CFAP46: variants seen among roughly 807,000 people sequenced by gnomAD.
The protein encoded by CFAP46 is cilia- and flagella-associated protein 46.
Under a neutral mutation model 325.7 loss-of-function variants are expected in CFAP46, and 245 were observed. The observed-to-expected ratio is 0.75, with a 90% CI of 0.68 to 0.84. The LOEUF is 0.84. CFAP46 is among the 40% of genes least tolerant of loss of function. CFAP46 has a pLI of 0.00. For missense variants in CFAP46, 3,346 were observed against 3,543.0 expected (o/e 0.94, Z 1.41); for synonymous variants, 1,523 against 1,495.9 (o/e 1.02, Z -0.42).
chr10:132,859,319 C>T (rs987171975), intron 37 of CFAP46, 72 bp from the exon 38 acceptor site: 9 of 1,349,290 alleles, frequency 6.7e-6, no homozygotes, highest in South Asian at 1.4e-5. Flanking sequence ...GCTGGGCTGC[C>T]GCTGTTCTCC....
At chr10:132,860,714 G>T in intron 36 of CFAP46, 68 bp downstream of exon 36, 1 of 1,494,054 alleles carries the variant, frequency 6.7e-7, no homozygotes, top group Non-Finnish European at 9.1e-7. Context: ...CCCCATGGAC[G>T]CCCTTCCTCT....
chr10:132,822,206 G>A (rs1394069165), intron 50 of CFAP46, among the ~76,000 whole-genome samples: 5 of 144,874 alleles, frequency 3.5e-5, no homozygotes, highest in Non-Finnish European at 7.5e-5. Context: ...TGTGCTGTGT[G>A]TGTGCTGATG....
In CFAP46 at chr10:132,866,110, C is replaced by T; in HGVS notation, c.4805G>A (p.Trp1602Ter). The change falls in exon 35 of 58, where the codon TGG (tryptophan) becomes TAG (stop). Residue 1602 changes from tryptophan (W) to a stop codon, truncating the protein, a stop_gained. Transcript: ENST00000368586. LOFTEE classifies it high-confidence loss of function. ...DLDGTSFPHLWMLKAEVLLEM... is the reference protein window; with the variant it reads ...DLDGTSFPHL ...CAGCAGAACTTCTGCCTTCAGCATC[C>T]ACAGGTGGGGAAAGGACGTCCCATC... The T allele has an allele frequency of 1.3e-6, 2 of 1,546,292 alleles. No homozygotes were observed. The highest frequency in any genetic ancestry group is 1.4e-5 in the African/African-American group (1 of 73,038).
intron 11 of CFAP46, among the ~76,000 whole-genome samples, chr10:132,924,320 C>T (rs960527249): frequency 4.6e-5 from 7 of 152,154 alleles, no homozygotes; most frequent in African/African-American, 1.7e-4. Context: ...GAGGACACAC[C>T]GTGCTCCTCC....
At chr10:132,818,108 C>T (rs1288990563) in intron 50 of CFAP46, among the ~76,000 whole-genome samples, 1 of 152,202 alleles carries the variant, frequency 6.6e-6, no homozygotes, top group African/African-American at 2.4e-5. Context: ...CACCCCTGGG[C>T]GGCCCGTGTC....
At chr10:132,903,480 C>T (rs995913724) in intron 22 of CFAP46, among the ~76,000 whole-genome samples, 5 of 152,342 alleles carry the variant, frequency 3.3e-5, no homozygotes, top group Non-Finnish European at 5.9e-5. Flanking sequence ...CGTTTCTCCC[C>T]GCGACTCTTC....
At chr10:132,818,373 C>T (rs541846808) in intron 50 of CFAP46, among the ~76,000 whole-genome samples, 21 of 152,154 alleles carry the variant, frequency 1.4e-4, no homozygotes, top group South Asian at 4.2e-4. Flanking sequence ...AGGATGTCAT[C>T]GGAGAATATT....
chr10:132,839,856 C>A (rs548257501), intron 44 of CFAP46, among the ~76,000 whole-genome samples: 2 of 152,168 alleles, frequency 1.3e-5, no homozygotes, highest in Admixed American at 1.3e-4. Context: ...TTCACCCTGA[C>A]GTGGCGCCCC....
At chr10:132,853,751 T>G (rs1169124920) in intron 39 of CFAP46, among the ~76,000 whole-genome samples, 1 of 152,238 alleles carries the variant, frequency 6.6e-6, no homozygotes, top group East Asian at 1.9e-4. Flanking sequence ...TAGTTCATGC[T>G]TTCAAGGAAT....
intron 50 of CFAP46, among the ~76,000 whole-genome samples, chr10:132,820,806 GC>G (rs1362972565): frequency 2.8e-5 from 4 of 142,054 alleles, no homozygotes; most frequent in African/African-American, 1.1e-4. Flanking sequence ...ACTGATGTGT[GC>G]TGTGTGTGCT....
chr10:132,922,017 C>CA (rs1849731265), intron 13 of CFAP46, 87 bp downstream of exon 13: 1 of 1,446,322 alleles, frequency 6.9e-7, no homozygotes, highest in Non-Finnish European at 9.3e-7. Context: ...TGGCAGGGAG[C>CA]ATGGGGACTG....
intron 45 of CFAP46, 46 bp from the exon 46 acceptor site, chr10:132,836,264 AAC>A (rs753654803): frequency 6.4e-7 from 1 of 1,572,590 alleles, no homozygotes; most frequent in Admixed American, 1.7e-5. Flanking sequence ...CCATGAAGGA[AAC>A]ACACCTCACA....
intron 55 of CFAP46, 80 bp downstream of exon 55, chr10:132,812,705 G>A: frequency 2.0e-6 from 2 of 1,000,662 alleles, no homozygotes; most frequent in Admixed American, 1.8e-5. Flanking sequence ...GCACCAGCAG[G>A]TGACAGTGGC....
intron 50 of CFAP46, among the ~76,000 whole-genome samples, chr10:132,815,473 A>G (rs543453993): frequency 1.3e-5 from 2 of 152,316 alleles, no homozygotes; most frequent in Middle Eastern, 3.4e-3. Context: ...ATTAAGAAGG[A>G]GGCTGTCTCC....
rs770259026 is a variant in CFAP46 at position 132,814,167 on chromosome 10, C to T, written c.7373G>A (p.Ser2458Asn). 2 of 1,613,706 alleles carry T rather than the reference C, an allele frequency of 1.2e-6. No homozygotes were observed. The highest frequency in any genetic ancestry group is 2.2e-5 in the South Asian group (2 of 91,082). The change falls in exon 54 of 58, where the codon AGC (serine) becomes AAC (asparagine). Residue 2458 changes from serine to asparagine, a missense_variant. By Grantham distance (46) the Ser-to-Asn change is conservative. Transcript: ENST00000368586. ...AGATCCGAACCTGGGAAAGTGCTTGCTTCCCAGATGTCCCGCCCATCGCGA... is the reference window on the plus strand; with the variant it reads ...AGATCCGAACCTGGGAAAGTGCTTGTTTCCCAGATGTCCCGCCCATCGCGA... ...FTSRWAGHLG[S>N]KHFPSQAQWE... is the part of the protein sequence containing the mutation.
At chr10:132,844,030 T>C (rs1349819300) in intron 44 of CFAP46, among the ~76,000 whole-genome samples, 4 of 112,464 alleles carry the variant, frequency 3.6e-5, no homozygotes, top group Non-Finnish European at 5.8e-5. Flanking sequence ...TCTCGGTGGG[T>C]GTTCCCAGGG....
rs933938890 is a variant in CFAP46, at chr10:132,922,504, G to A, written c.1461C>T (p.Asp487=). 9.1e-6 allele frequency: 14 copies of A among 1,543,438 alleles called. No individual in the cohort carries two copies. Among genetic ancestry groups the A allele is most frequent in the Non-Finnish European group, 1.0e-5 (12 of 1,144,394 alleles). The change falls in exon 12 of 58, where the codon GAC becomes GAT. Residue 487 remains aspartate (D), a synonymous_variant. Transcript: ENST00000368586. ...CCTGCTCAACGGCCATGATGGCCTT[G>A]TCCTCTGCGCGCTCAGGGGCCTGGT... ...TLYQAPERAE[D]KAIMAVEQAK... is the part of the protein sequence containing the mutation.
intron 10 of CFAP46, 43 bp from the exon 11 acceptor site, chr10:132,924,929 G>T: frequency 7.4e-7 from 1 of 1,356,396 alleles, no homozygotes; most frequent in South Asian, 1.8e-5. Flanking sequence ...TTGCTGGCTC[G>T]AGCTGCGGGG....
At chr10:132,914,793 G>T (rs1269426706) in intron 17 of CFAP46, among the ~76,000 whole-genome samples, 8 of 147,772 alleles carry the variant, frequency 5.4e-5, no homozygotes, top group African/African-American at 1.0e-4. Context: ...CCCGGCCCGA[G>T]GCTGTGTCCA....
Sources: gnomAD v4.1 joint callset for allele counts (sites outside exome capture counted in the v4.1 genomes callset) on GRCh38, gnomAD v4.1.1 for gene constraint, MANE v1.5 for transcripts, NCBI Gene and HGNC (gene_info 2026-07-23, HGNC 2026-07-21) for gene names.